The following REC114 variants were observed in gnomAD, a reference collection of about 807,000 sequenced individuals.
REC114 encodes the protein REC114 meiotic recombination protein.
A neutral mutation model predicts 31.3 loss-of-function variants in REC114; 27 were observed. The observed-to-expected ratio is 0.86, with a 90% confidence interval of 0.64 to 1.19. The LOEUF is 1.19. Among genes scored for constraint, REC114 ranks in the 50% most tolerant of loss-of-function variants. The pLI, the probability that REC114 is intolerant of heterozygous loss-of-function variation, is 0.00. For synonymous variants in REC114, 134 were observed against 127.7 expected (o/e 1.05, Z -0.33); for missense variants, 344 against 326.9 (o/e 1.05, Z -0.40).
chr15:73,453,634 A>G (rs1446184128), intron 1 of REC114, among the ~76,000 whole-genome samples: 1 of 152,222 alleles, frequency 6.6e-6, no homozygotes, highest in Admixed American at 6.5e-5. Flanking sequence ...TACCCAAAGG[A>G]TTATAAATCA....
intron 3 of REC114, among the ~76,000 whole-genome samples, chr15:73,542,176 C>T (rs1407269725): frequency 2.0e-5 from 3 of 151,386 alleles, no homozygotes. Context: ...TTTAAAAATA[C>T]AAAAATTAGC....
At chr15:73,481,678 A>C (rs1204766085) in intron 2 of REC114, among the ~76,000 whole-genome samples, 2 of 48,656 alleles carry the variant, frequency 4.1e-5, no homozygotes, top group Non-Finnish European at 7.8e-5. Context: ...TTTTTTTTTG[A>C]GGCGGAGTCT....
intron 2 of REC114, among the ~76,000 whole-genome samples, chr15:73,535,284 T>C (rs904866282): frequency 5.5e-4 from 84 of 151,954 alleles, no homozygotes; most frequent in African/African-American, 1.9e-3. Flanking sequence ...GAAAACCCCA[T>C]TGTCTCAGCC....
chr15:73,455,114 A>AT (rs1009229954), intron 1 of REC114, among the ~76,000 whole-genome samples: 104 of 148,546 alleles, frequency 7.0e-4, no homozygotes, highest in African/African-American at 1.9e-3. Flanking sequence ...TAGGTCTGTC[A>AT]TTTTTTTTTT....
At chr15:73,500,133 T>G (rs1040421503) in intron 2 of REC114, among the ~76,000 whole-genome samples, 1 of 152,122 alleles carries the variant, frequency 6.6e-6, no homozygotes, top group African/African-American at 2.4e-5. Context: ...TTGACCATCC[T>G]GCTATTAGAA....
At chr15:73,546,871 G>A (rs1178655601) in intron 3 of REC114, among the ~76,000 whole-genome samples, 4 of 149,560 alleles carry the variant, frequency 2.7e-5, no homozygotes, top group Non-Finnish European at 5.9e-5. Flanking sequence ...GCAGAAGGAT[G>A]AAACAAGACT....
intron 1 of REC114, among the ~76,000 whole-genome samples, chr15:73,460,869 G>C (rs1228013531): frequency 6.6e-6 from 1 of 151,972 alleles, no homozygotes; most frequent in Admixed American, 6.6e-5. Context: ...TCTATTTATG[G>C]CTACTGATAA....
intron 2 of REC114, among the ~76,000 whole-genome samples, chr15:73,492,917 AG>A: frequency 6.6e-6 from 1 of 152,004 alleles, no homozygotes; most frequent in African/African-American, 2.4e-5. Flanking sequence ...TCTTTTGTGA[AG>A]TATCTGTTGC....
At chr15:73,445,986 G>T (rs1892759445) in intron 1 of REC114, among the ~76,000 whole-genome samples, 1 of 152,232 alleles carries the variant, frequency 6.6e-6, no homozygotes, top group Non-Finnish European at 1.5e-5. Context: ...AACCTTCAAT[G>T]TGTAAAAAAT....
chr15:73,536,875 A>T (rs895942253), intron 2 of REC114, among the ~76,000 whole-genome samples: 3 of 152,224 alleles, frequency 2.0e-5, no homozygotes, highest in African/African-American at 7.2e-5. Context: ...TTTAAAAATA[A>T]TTTCAATTTT....
chr15:73,462,840 G>T (rs1048951511), intron 1 of REC114, among the ~76,000 whole-genome samples: 1 of 143,826 alleles, frequency 7.0e-6, no homozygotes, highest in Non-Finnish European at 1.5e-5. Context: ...AGCCGAGATC[G>T]TGCCATTGCA....
intron 2 of REC114, among the ~76,000 whole-genome samples, chr15:73,538,387 C>A (rs1443422336): frequency 6.6e-6 from 1 of 151,310 alleles, no homozygotes; most frequent in East Asian, 1.9e-4. Flanking sequence ...ACCAATTCTG[C>A]CAATTTATCT....
chr15:73,500,048 TCA>T (rs1316996967), intron 2 of REC114, among the ~76,000 whole-genome samples: 2 of 152,204 alleles, frequency 1.3e-5, no homozygotes, highest in African/African-American at 4.8e-5. Flanking sequence ...TTTTTCCAAC[TCA>T]GTCTTCACTG....
intron 1 of REC114, among the ~76,000 whole-genome samples, chr15:73,460,002 C>T (rs890492062): frequency 2.6e-5 from 4 of 152,058 alleles, no homozygotes; most frequent in Admixed American, 2.0e-4. Flanking sequence ...ATGTCATGTA[C>T]ATTGTAGAGT....
At chr15:73,500,033 AT>A (rs142603503) in intron 2 of REC114, among the ~76,000 whole-genome samples, 14,402 of 151,610 alleles carry the variant, frequency 0.095, 896 homozygotes, top group African/African-American at 0.17. Context: ...TTCAACCATG[AT>A]TTTTTTTTCC....
At chr15:73,512,273 CT>C (rs1343376943) in intron 2 of REC114, among the ~76,000 whole-genome samples, 1 of 52,644 alleles carries the variant, frequency 1.9e-5, no homozygotes, top group Non-Finnish European at 3.1e-5. Flanking sequence ...CAACCCCTGC[CT>C]TTTTTTGTTT....
chr15:73,451,982 C>T (rs1215201173), intron 1 of REC114, among the ~76,000 whole-genome samples: 1 of 152,152 alleles, frequency 6.6e-6, no homozygotes, highest in Non-Finnish European at 1.5e-5. Context: ...TAGACTGTAT[C>T]TCCAAATAAT....
In REC114 at chr15:73,443,330, T is replaced by C; in HGVS notation, c.145T>C (p.Cys49Arg). 1 of 1,578,694 alleles carries C rather than the reference T, an allele frequency of 6.3e-7. No individual in the cohort carries two copies. Among genetic ancestry groups the C allele is most frequent in the Non-Finnish European group, 8.6e-7 (1 of 1,163,588 alleles). Residue 49 changes from cysteine (C) to arginine (R), a missense_variant, in exon 1 of 6, where the codon TGC becomes CGC. Physicochemically the swap from Cys to Arg is radical, Grantham distance 180. Transcript: ENST00000331090. ...ATGCCTGGAAGCTGGGACAGCCCCC[T>C]GCCCCACATGGAAGGTGAGGCCCGA... ...GPCLEAGTAPCPTWKVFDSNE... is the reference protein window; with the variant it reads ...GPCLEAGTAPRPTWKVFDSNE...
chr15:73,491,320 A>G (rs1476743605), intron 2 of REC114, among the ~76,000 whole-genome samples: 7 of 12,534 alleles, frequency 5.6e-4, no homozygotes, highest in Admixed American at 3.6e-3. Flanking sequence ...TTTTGTATAT[A>G]TAAGTATTTG....
Sources: allele counts gnomAD v4.1 joint callset (sites outside exome capture counted in the v4.1 genomes callset), GRCh38; gene constraint gnomAD v4.1.1; transcripts MANE v1.5; gene names NCBI Gene and HGNC (gene_info 2026-07-23, HGNC 2026-07-21).